Variants in OPCML observed in about 807,000 individuals in gnomAD.
The protein encoded by OPCML is opioid-binding protein/cell adhesion molecule.
A neutral mutation model predicts 37.8 loss-of-function variants in OPCML; 13 were observed. That is an observed-to-expected ratio of 0.34 (90% CI 0.22 to 0.55). OPCML has a LOEUF of 0.55. Ranked by LOEUF, OPCML falls within the 20% of genes least tolerant of loss-of-function variation. OPCML has a pLI of 0.91. For missense variants in OPCML, 341 were observed against 435.6 expected (o/e 0.78, Z 1.93); for synonymous variants, 176 against 168.8 (o/e 1.04, Z -0.33).
chr11:133,204,894 A>ATATGTGTG (rs1938990417), intron 1 of OPCML, among the ~76,000 whole-genome samples: 2 of 135,634 alleles, frequency 1.5e-5, no homozygotes, highest in Non-Finnish European at 3.2e-5. Context: ...ATATATATAT[A>ATATGTGTG]TATATATATA....
chr11:133,359,135 T>C (rs1944358296), intron 1 of OPCML, among the ~76,000 whole-genome samples: 1 of 152,222 alleles, frequency 6.6e-6, no homozygotes, highest in South Asian at 2.1e-4. Context: ...TATATTAAAG[T>C]GTTTGATTCG....
intron 1 of OPCML, among the ~76,000 whole-genome samples, chr11:133,322,977 A>C (rs183225454): frequency 6.6e-6 from 1 of 152,354 alleles, no homozygotes; most frequent in East Asian, 1.9e-4. Flanking sequence ...AATTGAGTTA[A>C]TACTAACAGA....
At chr11:132,554,256 T>A (rs1014140022) in intron 3 of OPCML, among the ~76,000 whole-genome samples, 8 of 152,238 alleles carry the variant, frequency 5.3e-5, no homozygotes, top group African/African-American at 1.9e-4. Context: ...AAAGTTTATC[T>A]GGTTTTAATT....
chr11:132,818,018 C>T (rs996076239), intron 2 of OPCML, among the ~76,000 whole-genome samples: 5 of 152,012 alleles, frequency 3.3e-5, no homozygotes, highest in African/African-American at 1.2e-4. Flanking sequence ...AGCTACAGAC[C>T]GTGTTTAGAA....
chr11:133,022,747 A>G (rs1405832153), intron 1 of OPCML, among the ~76,000 whole-genome samples: 1 of 152,212 alleles, frequency 6.6e-6, no homozygotes, highest in East Asian at 1.9e-4. Context: ...AATAACAGGA[A>G]GCCACTAAGC....
At chr11:132,881,339 G>A (rs543140581) in intron 2 of OPCML, among the ~76,000 whole-genome samples, 1 of 152,370 alleles carries the variant, frequency 6.6e-6, no homozygotes, top group African/African-American at 2.4e-5. Context: ...GAAGGGAAGA[G>A]GGAGGAAGCA....
chr11:132,631,375 A>ATATATATATC (rs1491278364), intron 3 of OPCML, among the ~76,000 whole-genome samples: 2 of 139,592 alleles, frequency 1.4e-5, no homozygotes, highest in Non-Finnish European at 3.1e-5. Flanking sequence ...ATATATATAT[A>ATATATATATC]TCTCCTAGGT....
rs115019130 is a variant in OPCML, at chr11:133,464,810, G to C, written c.61+67454C>G. Among the ~76,000 whole-genome samples, 779 of 152,286 alleles carry C rather than the reference G, an allele frequency of 5.1e-3. 8 individuals are homozygous for C. Among genetic ancestry groups the C allele is most frequent in the African/African-American group, 0.017 (709 of 41,548 alleles). On this transcript the variant is annotated intron_variant, in intron 1 of 7. Transcript: ENST00000524381. ...CTAAGATGGTTGTACAAGAGCGGAG[G>C]CTGCTGGGTCTGAGAGATATTCAGG...
chr11:133,091,971 G>T (rs908931183), intron 1 of OPCML, among the ~76,000 whole-genome samples: 1 of 152,102 alleles, frequency 6.6e-6, no homozygotes, highest in East Asian at 1.9e-4. Context: ...TCCAAAATTC[G>T]TGTGCAGAAA....
chr11:132,864,367 G>C (rs1298430610), intron 2 of OPCML, among the ~76,000 whole-genome samples: 1 of 152,172 alleles, frequency 6.6e-6, no homozygotes, highest in African/African-American at 2.4e-5. Flanking sequence ...ACCCTACAGA[G>C]TCCAAAGATA....
chr11:132,694,556 C>A (rs1290636725), intron 2 of OPCML, among the ~76,000 whole-genome samples: 1 of 152,136 alleles, frequency 6.6e-6, no homozygotes, highest in Non-Finnish European at 1.5e-5. Context: ...AGCTATTGTG[C>A]ACAGTAAAGA....
chr11:132,829,305 G>A (rs576718318), intron 2 of OPCML, among the ~76,000 whole-genome samples: 4 of 152,290 alleles, frequency 2.6e-5, no homozygotes, highest in African/African-American at 9.6e-5. Flanking sequence ...CATATGCTAA[G>A]TGTCTCATAG....
At chr11:133,373,630 CAT>C (rs949747399) in intron 1 of OPCML, among the ~76,000 whole-genome samples, 3 of 145,086 alleles carry the variant, frequency 2.1e-5, no homozygotes, top group African/African-American at 7.7e-5. Flanking sequence ...GTCTCAGAAA[CAT>C]AAAAAAAAAG....
chr11:133,210,035 C>A (rs113461459), intron 1 of OPCML, among the ~76,000 whole-genome samples: 1 of 152,170 alleles, frequency 6.6e-6, no homozygotes, highest in East Asian at 1.9e-4. Flanking sequence ...CATATTTGCA[C>A]GCACACACCT....
intron 1 of OPCML, among the ~76,000 whole-genome samples, chr11:133,316,982 A>G (rs1351503667): frequency 3.9e-5 from 6 of 152,138 alleles, no homozygotes; most frequent in Non-Finnish European, 8.8e-5. Context: ...CAGATCACCT[A>G]AAGTCAGGAG....
intron 1 of OPCML, among the ~76,000 whole-genome samples, chr11:132,983,698 C>A (rs1285935003): frequency 6.6e-6 from 1 of 152,178 alleles, no homozygotes; most frequent in South Asian, 2.1e-4. Flanking sequence ...CCCATATCAT[C>A]CAGGAAAGTT....
chr11:133,408,136 G>A (rs543964289), intron 1 of OPCML, among the ~76,000 whole-genome samples: 20 of 150,264 alleles, frequency 1.3e-4, no homozygotes, highest in South Asian at 2.1e-4. Context: ...AATTTCAACC[G>A]CATGTTGCTG....
intron 1 of OPCML, among the ~76,000 whole-genome samples, chr11:133,426,111 T>A (rs1286185047): frequency 6.6e-6 from 1 of 152,176 alleles, no homozygotes; most frequent in Non-Finnish European, 1.5e-5. Flanking sequence ...TCTGTCTCCC[T>A]AATGCATCTG....
At chr11:133,401,770 C>T (rs560504630) in intron 1 of OPCML, among the ~76,000 whole-genome samples, 1 of 152,250 alleles carries the variant, frequency 6.6e-6, no homozygotes, top group South Asian at 2.1e-4. Flanking sequence ...AACTAACTTC[C>T]TACTAAAAAT....
Sources: gnomAD v4.1 joint callset for allele counts (sites outside exome capture counted in the v4.1 genomes callset) on GRCh38, gnomAD v4.1.1 for gene constraint, MANE v1.5 for transcripts, NCBI Gene and HGNC (gene_info 2026-07-23, HGNC 2026-07-21) for gene names.